Variants in NNT observed in about 807,000 individuals in gnomAD.
The protein encoded by NNT is NAD(P) transhydrogenase, mitochondrial.
NNT carries 50 observed loss-of-function variants against 104.8 expected under a neutral mutation model. The observed-to-expected ratio is 0.48, with a 90% CI of 0.38 to 0.60. The LOEUF (loss-of-function observed/expected upper bound fraction) is 0.60, where lower values mean the gene tolerates loss of function less well. NNT is among the 20% of genes least tolerant of loss of function. NNT has a pLI of 0.00. For synonymous variants in NNT, 461 were observed against 490.4 expected (o/e 0.94, Z 0.79); for missense variants, 1,131 against 1,330.7 (o/e 0.85, Z 2.33).
intron 19 of NNT, among the ~76,000 whole-genome samples, chr5:43,694,764 G>A (rs1034720682): frequency 8.6e-5 from 13 of 151,698 alleles, no homozygotes; most frequent in African/African-American, 3.2e-4. Flanking sequence ...GTGTGTGTGT[G>A]TGTGTGTGTG....
At chr5:43,633,062 C>T (rs189698220) in intron 7 of NNT, among the ~76,000 whole-genome samples, 50 of 152,264 alleles carry the variant, frequency 3.3e-4, no homozygotes, top group Middle Eastern at 3.4e-3. Context: ...CCAGCTCTCC[C>T]GTTTCCCACC....
At chr5:43,627,124 C>G (rs1177364580) in intron 6 of NNT, among the ~76,000 whole-genome samples, 1 of 152,180 alleles carries the variant, frequency 6.6e-6, no homozygotes, top group Non-Finnish European at 1.5e-5. Context: ...TGTCACTCCT[C>G]TCTGCTGTCC....
chr5:43,668,796 G>GT (rs1464572317), intron 17 of NNT, among the ~76,000 whole-genome samples: 1 of 152,188 alleles, frequency 6.6e-6, no homozygotes, highest in Non-Finnish European at 1.5e-5. Flanking sequence ...CTTTAAAGTA[G>GT]TTTTTTCCAA....
intron 19 of NNT, among the ~76,000 whole-genome samples, chr5:43,693,954 TA>T (rs1396595005): frequency 6.6e-6 from 1 of 152,232 alleles, no homozygotes; most frequent in African/African-American, 2.4e-5. Context: ...AGTTTGTTTC[TA>T]CTTGCTATCA....
intron 7 of NNT, among the ~76,000 whole-genome samples, chr5:43,636,705 G>A (rs1432226550): frequency 1.3e-5 from 2 of 152,134 alleles, no homozygotes; most frequent in African/African-American, 4.8e-5. Flanking sequence ...CTATGAGAAT[G>A]TATATTTCCT....
chr5:43,603,422 G>A (rs1416326843), intron 1 of NNT, 128 bp downstream of exon 1: 2 of 152,824 alleles, frequency 1.3e-5, no homozygotes, highest in African/African-American at 4.8e-5. Flanking sequence ...AAAGAGCAAA[G>A]CGGGGCGGGG....
At chr5:43,626,316 T>C (rs1490102323) in intron 6 of NNT, among the ~76,000 whole-genome samples, 2 of 152,166 alleles carry the variant, frequency 1.3e-5, no homozygotes, top group Non-Finnish European at 2.9e-5. Flanking sequence ...GGAAGATGTA[T>C]GTAGGCTACG....
intron 11 of NNT, among the ~76,000 whole-genome samples, chr5:43,650,125 T>A (rs1739677233): frequency 6.6e-6 from 1 of 152,250 alleles, no homozygotes; most frequent in Non-Finnish European, 1.5e-5. Context: ...CAGGGTCACT[T>A]TTTAACCATA....
rs775472540 is a variant in NNT, at chr5:43,628,215, A to G, written c.792A>G (p.Glu264=). 7 of 1,610,394 alleles carry G rather than the reference A, an allele frequency of 4.3e-6. No homozygotes were observed. The South Asian group carries it at 7.7e-5, about 18-fold the overall frequency. The change falls in exon 7 of 22, where the codon GAA becomes GAG. Residue 264 remains glutamate, a synonymous_variant. Transcript: ENST00000344920. ...RGFDTRAAAL[E]QFKSLGAEPL... ...ATCACCCTAGAGCTGCAGCTTTGGAACAGTTCAAGTCTCTTGGTGCTGAGC... is the reference window on the plus strand; with the variant it reads ...ATCACCCTAGAGCTGCAGCTTTGGAGCAGTTCAAGTCTCTTGGTGCTGAGC...
chr5:43,688,868 C>G (rs1742117492), intron 19 of NNT, among the ~76,000 whole-genome samples: 1 of 152,144 alleles, frequency 6.6e-6, no homozygotes, highest in Non-Finnish European at 1.5e-5. Context: ...GTGCAAATAT[C>G]TTTTTTGTAT....
At chr5:43,686,296 T>G (rs1042444571) in intron 19 of NNT, among the ~76,000 whole-genome samples, 1 of 152,040 alleles carries the variant, frequency 6.6e-6, no homozygotes, top group Non-Finnish European at 1.5e-5. Context: ...ATGACATTTG[T>G]TGTATCTGTC....
intron 1 of NNT, among the ~76,000 whole-genome samples, chr5:43,605,070 T>C (rs1356540805): frequency 6.6e-6 from 1 of 152,166 alleles, no homozygotes; most frequent in Non-Finnish European, 1.5e-5. Flanking sequence ...GAGTGGGGCT[T>C]CCAATCCGCA....
chr5:43,618,065 A>T (rs917456940), intron 4 of NNT, among the ~76,000 whole-genome samples: 20 of 152,230 alleles, frequency 1.3e-4, no homozygotes, highest in Non-Finnish European at 2.6e-4. Context: ...CCTTTTACAT[A>T]TAAATTGCTA....
chr5:43,646,585 A>C (rs1358427050), intron 10 of NNT, among the ~76,000 whole-genome samples: 2 of 151,792 alleles, frequency 1.3e-5, no homozygotes, highest in Non-Finnish European at 2.9e-5. Flanking sequence ...TTTTATCTAC[A>C]TCAAATGTAT....
At chr5:43,696,439 A>T (rs1163743908) in intron 19 of NNT, among the ~76,000 whole-genome samples, 1 of 152,130 alleles carries the variant, frequency 6.6e-6, no homozygotes, top group African/African-American at 2.4e-5. Flanking sequence ...CTTTCATGGA[A>T]TGGCATTGAG....
At chr5:43,608,842 G>A (rs1398145383) in intron 1 of NNT, among the ~76,000 whole-genome samples, 2 of 152,186 alleles carry the variant, frequency 1.3e-5, no homozygotes, top group Non-Finnish European at 2.9e-5. Flanking sequence ...GTGTATTAAA[G>A]CTTTCTAGCT....
At chr5:43,672,767 G>T (rs1393675599) in intron 17 of NNT, among the ~76,000 whole-genome samples, 1 of 152,230 alleles carries the variant, frequency 6.6e-6, no homozygotes, top group Non-Finnish European at 1.5e-5. Context: ...TCCGTTTTCA[G>T]ATCTCAAACT....
intron 16 of NNT, among the ~76,000 whole-genome samples, chr5:43,657,441 G>A (rs367567316): frequency 1.3e-5 from 2 of 152,096 alleles, no homozygotes; most frequent in Non-Finnish European, 2.9e-5. Context: ...TTTATGCAGC[G>A]CTATTTACTG....
chr5:43,680,710 A>T (rs1337301433), intron 19 of NNT, among the ~76,000 whole-genome samples: 1 of 152,168 alleles, frequency 6.6e-6, no homozygotes, highest in Non-Finnish European at 1.5e-5. Context: ...AATGAAGCAC[A>T]TGACATTTCA....
Sources: allele counts gnomAD v4.1 joint callset (sites outside exome capture counted in the v4.1 genomes callset), GRCh38; gene constraint gnomAD v4.1.1; transcripts MANE v1.5; gene names NCBI Gene and HGNC (gene_info 2026-07-23, HGNC 2026-07-21).